Variants in DTNB observed in about 807,000 individuals in gnomAD.
DTNB encodes the protein DTN-B.
In DTNB, 63 loss-of-function variants were observed where a neutral mutation model predicts 90.7. That is an observed-to-expected ratio of 0.69 (90% CI 0.57 to 0.86). DTNB has a LOEUF of 0.86. Ranked by LOEUF, DTNB falls within the 40% of genes least tolerant of loss-of-function variation. The pLI, the probability that DTNB is intolerant of heterozygous loss-of-function variation, is 0.00. For synonymous variants in DTNB, 277 were observed against 286.7 expected, an observed-to-expected ratio of 0.97 and a Z score of 0.34; for missense variants, 744 against 807.1, an observed-to-expected ratio of 0.92 and a Z score of 0.95.
intron 8 of DTNB, among the ~76,000 whole-genome samples, chr2:25,543,589 C>A (rs1171844339): frequency 2.0e-5 from 3 of 152,184 alleles, no homozygotes; most frequent in Non-Finnish European, 4.4e-5. Flanking sequence ...TAGGCATGAG[C>A]CACTGCGCCT....
chr2:25,598,676 A>G (rs1317887583), intron 5 of DTNB: 1 of 152,064 alleles, frequency 6.6e-6, no homozygotes, highest in Admixed American at 6.6e-5. Context: ...AGACATTTGG[A>G]AGCTAGGCCT....
chr2:25,504,928 T>TA (rs2071991283), intron 9 of DTNB, among the ~76,000 whole-genome samples: 1 of 130,978 alleles, frequency 7.6e-6, no homozygotes, highest in Non-Finnish European at 1.5e-5. Context: ...AGAACAAATT[T>TA]AGAGACACAA....
intron 3 of DTNB, among the ~76,000 whole-genome samples, chr2:25,634,434 G>C (rs1370095444): frequency 6.7e-6 from 1 of 149,838 alleles, no homozygotes; most frequent in Admixed American, 6.6e-5. Context: ...GAGGGAGGTG[G>C]GGGGGTCAGC....
intron 10 of DTNB, among the ~76,000 whole-genome samples, chr2:25,456,649 T>C (rs2060080058): frequency 6.6e-6 from 1 of 152,202 alleles, no homozygotes; most frequent in African/African-American, 2.4e-5. Context: ...CTCGGGTCAC[T>C]GCAACCTCTG....
At chr2:25,594,554 G>A (rs2064203564) in intron 6 of DTNB, among the ~76,000 whole-genome samples, 1 of 152,244 alleles carries the variant, frequency 6.6e-6, no homozygotes, top group East Asian at 1.9e-4. Flanking sequence ...GAGGGGCCAT[G>A]TGTGCATGTG....
intron 7 of DTNB, among the ~76,000 whole-genome samples, chr2:25,578,023 C>T (rs904258237): frequency 8.6e-5 from 13 of 150,970 alleles, no homozygotes; most frequent in Non-Finnish European, 1.6e-4. Context: ...AAAAAGAAAA[C>T]GAAAAGAGGG....
Position 25,387,251 on chromosome 2 carries a change from G to C in DTNB, c.1825+38C>G. 1 of 1,591,346 alleles carries C rather than the reference G, an allele frequency of 6.3e-7. No individual in the cohort carries two copies. Among genetic ancestry groups the C allele is most frequent in the Non-Finnish European group, 8.6e-7 (1 of 1,163,950 alleles). Reference sequence around the variant, plus strand: ...AGTGAGAAGGGCGCGGGCAAGGCAGGGGAGGCCAGGAAGCTGGCTGGGAGC... The same window carrying C: ...AGTGAGAAGGGCGCGGGCAAGGCAGCGGAGGCCAGGAAGCTGGCTGGGAGC... On this transcript the variant is annotated intron_variant, in intron 18 of 20. Coordinates refer to ENST00000406818, the MANE Select transcript of DTNB (RefSeq NM_021907.5). This position sits in a 1 kb window ranked among gnomAD's most constrained non-coding sequence, Gnocchi z 4.5.
At chr2:25,491,065 T>C (rs1416002426) in intron 9 of DTNB, among the ~76,000 whole-genome samples, 1 of 150,790 alleles carries the variant, frequency 6.6e-6, no homozygotes, top group Non-Finnish European at 1.5e-5. Flanking sequence ...AAAAAAAGAA[T>C]CAAATTTCTA....
At chr2:25,639,728 C>T (rs1040130752) in intron 2 of DTNB, among the ~76,000 whole-genome samples, 10 of 152,298 alleles carry the variant, frequency 6.6e-5, no homozygotes, top group African/African-American at 1.9e-4. Flanking sequence ...GACACTGTGA[C>T]GGCCTCGCGG....
At chr2:25,568,760 C>T (rs1283112495) in intron 8 of DTNB, among the ~76,000 whole-genome samples, 1 of 152,192 alleles carries the variant, frequency 6.6e-6, no homozygotes, top group Non-Finnish European at 1.5e-5. Context: ...ATGTCTCCAC[C>T]ACACAGGCAC....
intron 6 of DTNB, among the ~76,000 whole-genome samples, chr2:25,592,804 A>G (rs996191575): frequency 6.6e-6 from 1 of 152,218 alleles, no homozygotes; most frequent in Non-Finnish European, 1.5e-5. Flanking sequence ...AACAACCACT[A>G]AGAATCTACA....
In DTNB at chr2:25,427,577, C is replaced by T. The variant is rs768015290; in HGVS notation, c.1512G>A (p.Arg504=). The part of the protein sequence containing the change: ...QRMSALQESR[R]ELMVQLEELM... The stretch of plus-strand genomic sequence containing the variant: ...GCTCTTCCAGCTGGACCATCAGCTC[C>T]CGCCTGCTCTCCTGCAGGGCCGACA... Residue 504 remains arginine, a synonymous_variant, in exon 15 of 21, where the codon CGG becomes CGA. Transcript: ENST00000406818. 7 of 1,613,814 alleles carry T rather than the reference C, an allele frequency of 4.3e-6. No homozygotes were observed. Among genetic ancestry groups the T allele is most frequent in the South Asian group, 2.2e-5 (2 of 91,084 alleles).
intron 9 of DTNB, among the ~76,000 whole-genome samples, chr2:25,514,633 T>C (rs940298453): frequency 6.6e-6 from 1 of 151,782 alleles, no homozygotes; most frequent in African/African-American, 2.4e-5. Context: ...TAGGAACAGA[T>C]GATTTGTATT....
At chr2:25,516,355 T>C (rs750789682) in intron 9 of DTNB, among the ~76,000 whole-genome samples, 12 of 152,046 alleles carry the variant, frequency 7.9e-5, no homozygotes, top group Non-Finnish European at 1.6e-4. Flanking sequence ...CAAGTCATCC[T>C]TCTACCTCAG....
chr2:25,490,609 T>G (rs975613599), intron 9 of DTNB, among the ~76,000 whole-genome samples: 1 of 152,146 alleles, frequency 6.6e-6, no homozygotes, highest in Non-Finnish European at 1.5e-5. Flanking sequence ...TTATCCTAAG[T>G]GTTCAAATAT....
rs751680934 is a variant in DTNB, at chr2:25,469,734, G to A, written c.1079+13062C>T. On this transcript the variant is annotated intron_variant, in intron 10 of 20. Coordinates refer to ENST00000406818, the MANE Select transcript of DTNB (RefSeq NM_021907.5). ...TGGCATTACAGGTGTGAGCCACTGC[G>A]CCCAGTCCCAAGCCATGTTAAAGAA... Among the ~76,000 whole-genome samples, 7 of 152,060 alleles carry A rather than the reference G, an allele frequency of 4.6e-5. No homozygotes were observed. The East Asian group carries it at 5.8e-4, about 13-fold the overall frequency.
intron 10 of DTNB, among the ~76,000 whole-genome samples, chr2:25,477,420 T>G (rs2063950897): frequency 6.6e-6 from 1 of 152,194 alleles, no homozygotes; most frequent in African/African-American, 2.4e-5. Context: ...CATCTTCTGA[T>G]CTTCAAAAAC....
At chr2:25,475,153 T>C (rs1236726220) in intron 10 of DTNB, among the ~76,000 whole-genome samples, 1 of 152,224 alleles carries the variant, frequency 6.6e-6, no homozygotes, top group Non-Finnish European at 1.5e-5. Context: ...GAGGAAAGCA[T>C]GTCGAAAGCC....
chr2:25,535,258 G>A (rs1057251509), intron 8 of DTNB, among the ~76,000 whole-genome samples: 1 of 133,270 alleles, frequency 7.5e-6, no homozygotes, highest in Non-Finnish European at 1.6e-5. Flanking sequence ...TCACTTCCTA[G>A]ACGGAGTGGC....
Sources: gnomAD v4.1 joint callset for allele counts (sites outside exome capture counted in the v4.1 genomes callset) on GRCh38, gnomAD v4.1.1 for gene constraint, Gnocchi (gnomAD v3.1) non-coding constraint, MANE v1.5 for transcripts, NCBI Gene and HGNC (gene_info 2026-07-23, HGNC 2026-07-21) for gene names.